The following RNF168 variants were observed in gnomAD, a reference collection of about 807,000 sequenced individuals.
RNF168 encodes E3 ubiquitin-protein ligase RNF168.
A neutral mutation model predicts 34.9 loss-of-function variants in RNF168; 34 were observed. The ratio of observed to expected loss-of-function variants is 0.97; its 90% confidence interval spans 0.74 to 1.30. The LOEUF is 1.30. Ranked by LOEUF, RNF168 falls within the 50% of genes most tolerant of loss-of-function variation. The pLI is 0.00. For missense variants in RNF168, 725 were observed against 682.5 expected (o/e 1.06, Z -0.69); for synonymous variants, 264 against 254.7 (o/e 1.04, Z -0.35).
chr3:196,493,785 G>C (rs970945642), intron 1 of RNF168, among the ~76,000 whole-genome samples: 3 of 151,684 alleles, frequency 2.0e-5, no homozygotes. Context: ...GCCTTCCAAA[G>C]TGCCAGGATT....
rs1401845050 is a variant in RNF168 at position 196,468,996 on chromosome 3, C to T, written c.*2823G>A. ...AACAGAAATTAGTTTATCTTGAAACCAATTTTAGTCAGGAAGACTTCTTCA... is the reference window on the plus strand; with the variant it reads ...AACAGAAATTAGTTTATCTTGAAACTAATTTTAGTCAGGAAGACTTCTTCA... On this transcript the variant is annotated 3_prime_UTR_variant, in exon 6 of 6. Transcript: ENST00000318037. 6.6e-6 allele frequency: 1 copy of T among 152,024 alleles called. No individual in the cohort carries two copies. Among genetic ancestry groups the T allele is most frequent in the Non-Finnish European group, 1.5e-5 (1 of 67,998 alleles). 9.4% of individuals were successfully genotyped at this position (152,024 alleles called of 1,614,324 possible).
At chr3:196,484,138 C>T (rs1011444032) in intron 3 of RNF168, among the ~76,000 whole-genome samples, 6 of 150,488 alleles carry the variant, frequency 4.0e-5, no homozygotes, top group Non-Finnish European at 7.4e-5. Context: ...ATACTAACCT[C>T]ATTAGCTGAT....
Position 196,483,674 on chromosome 3 carries a change from G to A in RNF168, c.680+96C>T, listed in dbSNP as rs573921768. On this transcript the variant is annotated intron_variant, in intron 4 of 5. Transcript: ENST00000318037. ...CAGACTATTTTCATACAAAGTTCAC[G>A]GACCAAACTTTGAGAATCAGTAGTA... 5.7e-5 allele frequency: 61 copies of A among 1,064,352 alleles called. 1 individual carries two copies. The highest frequency in any genetic ancestry group is 3.2e-4 in the South Asian group (25 of 79,186). The allele number at this position is 1,064,352 out of a possible 1,614,324, so 65.9% of individuals were successfully genotyped here. A position where few individuals can be genotyped will look rare whatever the true frequency, so the allele number is the denominator to read the frequency against.
chr3:196,473,842 A>G (rs971111006), intron 5 of RNF168, among the ~76,000 whole-genome samples: 3 of 152,112 alleles, frequency 2.0e-5, no homozygotes, highest in Admixed American at 6.6e-5. Flanking sequence ...ACAAGCAAAA[A>G]AAAAATACCT....
In RNF168 at chr3:196,472,140, G is replaced by T. The variant is rs777246813; in HGVS notation, c.1395C>A (p.Asn465Lys). 6.2e-7 allele frequency: 1 copy of T among 1,613,880 alleles called. No homozygotes were observed. Among genetic ancestry groups the T allele is most frequent in the Admixed American group, 1.7e-5 (1 of 59,928 alleles). ...ACTCATCTGGGGATCCTTTTTGCCG[G>T]TTTGGCACCATTTGCTCTTTATCCA... The part of the protein sequence containing the change: ...KEVDKEQMVP[N>K]RQKGSPDEYH... Residue 465 changes from asparagine to lysine, a missense_variant, in exon 6 of 6, where the codon AAC (asparagine) becomes AAA (lysine). By Grantham distance (94) the Asn-to-Lys change is moderately conservative. Transcript: ENST00000318037.
At chr3:196,479,629 C>T (rs148864744) in intron 4 of RNF168, among the ~76,000 whole-genome samples, 54 of 151,352 alleles carry the variant, frequency 3.6e-4, no homozygotes, top group African/African-American at 1.1e-3. Flanking sequence ...GACGGACTAT[C>T]GCCCAGGCTG....
chr3:196,482,966 A>T (rs933504036), intron 4 of RNF168, among the ~76,000 whole-genome samples: 5 of 152,110 alleles, frequency 3.3e-5, no homozygotes, highest in Non-Finnish European at 7.4e-5. Context: ...GTATATATTT[A>T]GATATATAAA....
At position 196,472,169 on chromosome 3, in the gene RNF168, C is replaced by G; in HGVS notation, c.1366G>C (p.Glu456Gln). ...DRLLALQLQK[E>Q]VDKEQMVPNR... ...GGCACCATTTGCTCTTTATCCACCT[C>G]CTTCTGAAGTTGTAATGCCAATAAC... Residue 456 changes from glutamate to glutamine, a missense_variant, in exon 6 of 6, where the codon GAG becomes CAG. Coordinates refer to ENST00000318037, the MANE Select transcript of RNF168 (RefSeq NM_152617.4). 1 of 1,614,080 alleles carries G rather than the reference C, an allele frequency of 6.2e-7. No individual in the cohort carries two copies. Among genetic ancestry groups the G allele is most frequent in the Non-Finnish European group, 8.5e-7 (1 of 1,179,980 alleles).
At chr3:196,477,627 C>T (rs1732180789) in intron 4 of RNF168, among the ~76,000 whole-genome samples, 4 of 152,218 alleles carry the variant, frequency 2.6e-5, no homozygotes, top group African/African-American at 9.7e-5. Context: ...ACTTACGAAG[C>T]ATACCAGTAC....
chr3:196,480,217 G>A (rs1054015100), intron 4 of RNF168, among the ~76,000 whole-genome samples: 3 of 152,130 alleles, frequency 2.0e-5, no homozygotes, highest in Admixed American at 6.5e-5. Flanking sequence ...ATATATGTTT[G>A]CTGCTCTGTG....
intron 1 of RNF168, among the ~76,000 whole-genome samples, chr3:196,497,688 TA>T (rs1352573660): frequency 6.6e-6 from 1 of 151,652 alleles, no homozygotes; most frequent in African/African-American, 2.4e-5. Flanking sequence ...GGTAAAACTA[TA>T]AATCTTTTAG....
chr3:196,484,863 C>G (rs1019025331), intron 3 of RNF168, among the ~76,000 whole-genome samples: 6 of 152,030 alleles, frequency 3.9e-5, no homozygotes, highest in Non-Finnish European at 8.8e-5. Flanking sequence ...ACTATGTTGC[C>G]CAGGCTGGTC....
Position 196,503,342 on chromosome 3 carries a change from C to A in RNF168, c.-169G>T. 4 of 676,344 alleles carry A rather than the reference C, an allele frequency of 5.9e-6. No homozygotes were observed. The highest frequency in any genetic ancestry group is 1.6e-5 in the South Asian group (1 of 60,890). The allele number at this position is 676,344 out of a possible 1,614,324, so 41.9% of individuals were successfully genotyped here. A position where few individuals can be genotyped will look rare whatever the true frequency, so the allele number is the denominator to read the frequency against. ...TCCAACACGTCTTGAAGCAAAAAGG[C>A]GCTCTCAGGGTCAGGCAAACAGGAA... On this transcript the variant is annotated 5_prime_UTR_variant, in exon 1 of 6. Coordinates refer to ENST00000318037, the MANE Select transcript of RNF168 (RefSeq NM_152617.4).
chr3:196,472,175 G>C lies in RNF168; in HGVS notation c.1360C>G (p.Gln454Glu), dbSNP rs751825719. The change falls in exon 6 of 6, where the codon CAG becomes GAG. Residue 454 changes from glutamine (Q) to glutamate (E), a missense_variant. By Grantham distance (29) the Gln-to-Glu change is conservative. Transcript: ENST00000318037. ...EQDRLLALQL[Q>E]KEVDKEQMVP... Reference sequence around the variant, plus strand: ...ATTTGCTCTTTATCCACCTCCTTCTGAAGTTGTAATGCCAATAACCTGTCC... The same window carrying C: ...ATTTGCTCTTTATCCACCTCCTTCTCAAGTTGTAATGCCAATAACCTGTCC... 2.5e-6 allele frequency: 4 copies of C among 1,614,102 alleles called. No homozygotes were observed. Among genetic ancestry groups the C allele is most frequent in the Admixed American group, 3.3e-5 (2 of 60,014 alleles).
In RNF168 at chr3:196,475,211, C is replaced by T. The variant is rs754129012; in HGVS notation, c.762+20G>A. ...ATTAATGAACCAGCAAAACTCAGAA[C>T]ATCTTCAGTATCAACATACCTTAGA... On this transcript the variant is annotated intron_variant, in intron 5 of 5. Transcript: ENST00000318037. 2.9e-6 allele frequency: 4 copies of T among 1,394,644 alleles called. No individual in the cohort carries two copies. The South Asian group carries it at 4.6e-5, about 16-fold the overall frequency. 86.4% of individuals were successfully genotyped at this position (1,394,644 alleles called of 1,614,324 possible).
At chr3:196,483,929 G>C (rs1442075278) in intron 3 of RNF168, 38 bp from the exon 4 acceptor site, 2 of 1,506,640 alleles carry the variant, frequency 1.3e-6, no homozygotes, top group Non-Finnish European at 1.8e-6. Context: ...CATTATGAGA[G>C]AGAACTTTAT....
intron 1 of RNF168, among the ~76,000 whole-genome samples, chr3:196,492,098 G>A (rs187761694): frequency 8.3e-4 from 126 of 152,258 alleles, no homozygotes; most frequent in Admixed American, 2.2e-3. Context: ...TTCATGTCAC[G>A]CAACTGTCCA....
chr3:196,499,969 C>T (rs1049076575), intron 1 of RNF168, among the ~76,000 whole-genome samples: 2 of 152,206 alleles, frequency 1.3e-5, no homozygotes, highest in African/African-American at 4.8e-5. Flanking sequence ...ACCTCATACT[C>T]ACCAGGATGG....
chr3:196,475,333 A>C, intron 4 of RNF168, 21 bp from the exon 5 acceptor site: 1 of 1,428,850 alleles, frequency 7.0e-7, no homozygotes, highest in Non-Finnish European at 9.9e-7. Context: ...AGTTTACCAA[A>C]GTTTCAATGC....
Sources: gnomAD v4.1 joint callset for allele counts (sites outside exome capture counted in the v4.1 genomes callset) on GRCh38, gnomAD v4.1.1 for gene constraint, MANE v1.5 for transcripts, NCBI Gene and HGNC (gene_info 2026-07-23, HGNC 2026-07-21) for gene names.